Variants in DLG2 observed in about 807,000 individuals in gnomAD.
DLG2 encodes disks large homolog 2.
DLG2 carries 45 observed loss-of-function variants against 132.5 expected under a neutral mutation model. The observed-to-expected ratio is 0.34, with a 90% CI of 0.27 to 0.44. The LOEUF is 0.44. Ranked by LOEUF, DLG2 falls within the 20% of genes least tolerant of loss-of-function variation. The pLI, the probability that DLG2 is intolerant of heterozygous loss-of-function variation, is 1.00. For missense variants in DLG2, 1,045 were observed against 1,196.9 expected (o/e 0.87, Z 1.87); for synonymous variants, 424 against 419.6 (o/e 1.01, Z -0.13).
chr11:83,808,127 A>G (rs2046386447), intron 17 of DLG2, among the ~76,000 whole-genome samples: 1 of 152,018 alleles, frequency 6.6e-6, no homozygotes, highest in Non-Finnish European at 1.5e-5. Flanking sequence ...CTCAGTAAAC[A>G]GCCCCCTCCA....
chr11:84,405,393 G>C (rs1283468010), intron 7 of DLG2, among the ~76,000 whole-genome samples: 1 of 152,022 alleles, frequency 6.6e-6, no homozygotes, highest in African/African-American at 2.4e-5. Flanking sequence ...TCTATGTCTT[G>C]GGCAAGTCAC....
chr11:85,134,528 CAAAAAAA>C (rs58266385), intron 5 of DLG2, among the ~76,000 whole-genome samples: 2,518 of 34,808 alleles, frequency 0.072, 69 homozygotes, highest in African/African-American at 0.24. Flanking sequence ...GACTCCGTCT[CAAAAAAA>C]AAAAAAAAAA....
intron 17 of DLG2, chr11:83,791,526 C>A: frequency 1.7e-6 from 1 of 602,552 alleles, no homozygotes. Flanking sequence ...TTATTTTTTA[C>A]TTTTATTCAA....
At chr11:85,512,206 AAATAGCAAT>A (rs2153160165) in intron 3 of DLG2, among the ~76,000 whole-genome samples, 1 of 152,200 alleles carries the variant, frequency 6.6e-6, no homozygotes, top group African/African-American at 2.4e-5. Context: ...GGGATTCAAA[AAATAGCAAT>A]AACAAAGAAC....
intron 14 of DLG2, among the ~76,000 whole-genome samples, chr11:83,952,744 C>T (rs2085783742): frequency 6.6e-6 from 1 of 151,876 alleles, no homozygotes; most frequent in Non-Finnish European, 1.5e-5. Context: ...CATGAATAAA[C>T]ATACAGACAT....
intron 7 of DLG2, among the ~76,000 whole-genome samples, chr11:84,320,642 T>A (rs1186859017): frequency 6.6e-6 from 1 of 152,228 alleles, no homozygotes; most frequent in African/African-American, 2.4e-5. Context: ...TAAAGTATTT[T>A]AGGCTCTAAA....
At chr11:84,197,662 T>C (rs1469898694) in intron 8 of DLG2, among the ~76,000 whole-genome samples, 7 of 152,186 alleles carry the variant, frequency 4.6e-5, no homozygotes, top group Non-Finnish European at 8.8e-5. Context: ...AAATGTTTCA[T>C]ATGAAAGGGA....
chr11:85,154,651 G>C lies in DLG2; in HGVS notation c.187C>G (p.Leu63Val). Residue 63 changes from leucine to valine, a missense_variant and splice_region_variant, in exon 5 of 28, where the codon CTT (leucine) becomes GTT (valine). Leu to Val is a conservative substitution (Grantham distance 32). Around this residue, in one of 4 missense-constraint regions of DLG2, gnomAD observed 277 missense variants for 238.2 expected, o/e 1.16. Transcript: ENST00000376104. Reference protein sequence around the residue: ...CHDRLQKSSELTDCSGSKENA... With the variant: ...CHDRLQKSSEVTDCSGSKENA... ...TCCTTTGATCCACTGCAATCTGTAA[G>C]CTAAAATAAAAGTTTAAAAAATCAA... 6.8e-7 allele frequency: 1 copy of C among 1,461,748 alleles called. No homozygotes were observed. Among genetic ancestry groups the C allele is most frequent in the Non-Finnish European group, 9.3e-7 (1 of 1,076,678 alleles). The allele number at this position is 1,461,748 out of a possible 1,614,324, so 90.5% of individuals were successfully genotyped here. A position where few individuals can be genotyped will look rare whatever the true frequency, so the allele number is the denominator to read the frequency against.
At chr11:83,977,661 G>A (rs907505252) in intron 12 of DLG2, among the ~76,000 whole-genome samples, 3 of 151,960 alleles carry the variant, frequency 2.0e-5, no homozygotes, top group Non-Finnish European at 2.9e-5. Context: ...TAATACTCCC[G>A]AAGTGGCACA....
chr11:85,066,692 ATATGAT>A (rs1173491737), intron 6 of DLG2, among the ~76,000 whole-genome samples: 3 of 151,798 alleles, frequency 2.0e-5, no homozygotes, highest in Admixed American at 2.0e-4. Flanking sequence ...AAAAAAAACT[ATATGAT>A]TATATCAACA....
chr11:85,187,221 A>G (rs1306650209), intron 4 of DLG2, among the ~76,000 whole-genome samples: 1 of 152,150 alleles, frequency 6.6e-6, no homozygotes, highest in East Asian at 1.9e-4. Flanking sequence ...TTTACATAAT[A>G]AAATTATCCT....
intron 18 of DLG2, among the ~76,000 whole-genome samples, chr11:83,664,332 A>G (rs1319271088): frequency 6.6e-6 from 1 of 152,152 alleles, no homozygotes; most frequent in East Asian, 1.9e-4. Flanking sequence ...AAATGTCTGC[A>G]TATTTTGTAA....
At position 85,150,010 on chromosome 11, in the gene DLG2, A is replaced by ATTTTTTTTTTT. The variant is rs962380618; in HGVS notation, c.282+4535_282+4545dup. Among the ~76,000 whole-genome samples, 45 of 112,304 alleles carry ATTTTTTTTTTT rather than the reference A, an allele frequency of 4.0e-4. 4 individuals are homozygous for ATTTTTTTTTTT. Among genetic ancestry groups the ATTTTTTTTTTT allele is most frequent in the African/African-American group, 1.5e-3 (39 of 26,096 alleles). The allele number at this position is 112,304 out of a possible 152,430, so 73.7% of individuals were successfully genotyped here. On this transcript the variant is annotated intron_variant, in intron 5 of 27. Coordinates refer to ENST00000376104, the MANE Select transcript of DLG2 (RefSeq NM_001142699.3). ...ATTAACTCAAAAACATCAGTTTTTA[A>ATTTTTTTTTTT]TTTTTTTTTTTTTTTTTTTTTTTTT...
intron 6 of DLG2, among the ~76,000 whole-genome samples, chr11:84,993,747 C>T (rs186388575): frequency 3.1e-3 from 478 of 152,270 alleles, no homozygotes; most frequent in Admixed American, 5.4e-3. Flanking sequence ...AGAATAAATG[C>T]GAGCCTCACT....
chr11:84,948,849 A>G (rs1224746036), intron 6 of DLG2, among the ~76,000 whole-genome samples: 1 of 152,208 alleles, frequency 6.6e-6, no homozygotes, highest in Non-Finnish European at 1.5e-5. Context: ...GTAAAATAAG[A>G]AAAATAAAGC....
intron 6 of DLG2, among the ~76,000 whole-genome samples, chr11:84,937,532 C>T (rs56337818): frequency 3.3e-3 from 507 of 152,086 alleles, no homozygotes; most frequent in Non-Finnish European, 5.9e-3. Context: ...GCAAAGGAAG[C>T]GTATATACAG....
At chr11:83,661,150 G>A (rs890857800) in intron 18 of DLG2, among the ~76,000 whole-genome samples, 3 of 152,128 alleles carry the variant, frequency 2.0e-5, no homozygotes, top group African/African-American at 7.2e-5. Context: ...ACCTTGTGCT[G>A]TGGGGGATGT....
At chr11:84,993,691 T>G (rs2057364218) in intron 6 of DLG2, among the ~76,000 whole-genome samples, 1 of 70,164 alleles carries the variant, frequency 1.4e-5, no homozygotes, top group Non-Finnish European at 2.4e-5. Flanking sequence ...CCTTTAATCT[T>G]TACCTCTAAT....
At chr11:83,564,103 T>A (rs907243010) in intron 19 of DLG2, among the ~76,000 whole-genome samples, 2 of 51,332 alleles carry the variant, frequency 3.9e-5, no homozygotes, top group Non-Finnish European at 7.7e-5. Context: ...TTTTCATGTG[T>A]TTTTTTTTTT....
Sources: gnomAD v4.1 joint callset for allele counts (sites outside exome capture counted in the v4.1 genomes callset) on GRCh38, gnomAD v4.1.1 for gene constraint, gnomAD v4.1.1 regional missense constraint, MANE v1.5 for transcripts, NCBI Gene and HGNC (gene_info 2026-07-23, HGNC 2026-07-21) for gene names.